The following PCSK5 variants were observed in gnomAD, a reference collection of about 807,000 sequenced individuals.
PCSK5 encodes prohormone convertase 5.
PCSK5 carries 129 observed loss-of-function variants against 233.2 expected under a neutral mutation model. That is an observed-to-expected ratio of 0.55 (90% CI 0.48 to 0.64). The LOEUF (loss-of-function observed/expected upper bound fraction) is 0.64, where lower values mean the gene tolerates loss of function less well. Ranked by LOEUF, PCSK5 falls within the 30% of genes least tolerant of loss-of-function variation. The pLI, the probability that PCSK5 is intolerant of heterozygous loss-of-function variation, is 0.00. For synonymous variants in PCSK5, 825 were observed against 879.2 expected (o/e 0.94, Z 1.09); for missense variants, 2,076 against 2,430.1 (o/e 0.85, Z 3.06).
At position 76,167,529 on chromosome 9, in the gene PCSK5, T is replaced by C. The variant is rs1587709099; in HGVS notation, c.1620-2175T>C. Among the ~76,000 whole-genome samples, 4 of 152,326 alleles carry C rather than the reference T, an allele frequency of 2.6e-5. 1 individual carries two copies. In the South Asian group the frequency reaches 8.3e-4, roughly 32 times the overall value. ...GTTTATTGCTTTTCTCTAGGGAATA[T>C]TGCAAAGTGTTAGCCATTTACCTAT... On this transcript the variant is annotated intron_variant, in intron 12 of 37. Transcript: ENST00000674117.
chr9:76,341,680 C>G (rs1249857547), intron 35 of PCSK5, among the ~76,000 whole-genome samples: 1 of 152,152 alleles, frequency 6.6e-6, no homozygotes, highest in Non-Finnish European at 1.5e-5. Flanking sequence ...GGTTTTGGTT[C>G]TTTACTCCCT....
chr9:76,013,433 A>T (rs753015233), intron 3 of PCSK5, among the ~76,000 whole-genome samples: 1 of 152,080 alleles, frequency 6.6e-6, no homozygotes, highest in Admixed American at 6.6e-5. Flanking sequence ...CATCTTATCT[A>T]TGGGAGTTTC....
At chr9:75,959,386 C>T (rs1338205312) in intron 2 of PCSK5, among the ~76,000 whole-genome samples, 1 of 152,082 alleles carries the variant, frequency 6.6e-6, no homozygotes, top group African/African-American at 2.4e-5. Flanking sequence ...GAGGTAGATA[C>T]CCTAGGAACC....
At chr9:76,101,826 A>G (rs764368919) in intron 8 of PCSK5, among the ~76,000 whole-genome samples, 4 of 152,138 alleles carry the variant, frequency 2.6e-5, no homozygotes, top group Middle Eastern at 6.8e-3. Context: ...GCAGCTCTAC[A>G]TTTTCTTTTG....
intron 5 of PCSK5, among the ~76,000 whole-genome samples, chr9:76,046,177 T>TTTTTTTTTTTTTG (rs1829377903): frequency 8.5e-6 from 1 of 118,242 alleles, no homozygotes; most frequent in Non-Finnish European, 1.7e-5. Context: ...TTTTTTTTTT[T>TTTTTTTTTTTTTG]TTTTTTTTTT....
intron 2 of PCSK5, among the ~76,000 whole-genome samples, chr9:75,959,975 G>A (rs909676427): frequency 6.6e-6 from 1 of 152,088 alleles, no homozygotes; most frequent in Admixed American, 6.5e-5. Flanking sequence ...TTCTATGTAG[G>A]GCAGAAGAAG....
chr9:76,097,509 G>T (rs1457104327), intron 8 of PCSK5, among the ~76,000 whole-genome samples: 1 of 152,184 alleles, frequency 6.6e-6, no homozygotes, highest in Non-Finnish European at 1.5e-5. Flanking sequence ...CACAGAAGCT[G>T]TATGGGATCT....
At chr9:76,054,891 A>G (rs1312797902) in intron 5 of PCSK5, among the ~76,000 whole-genome samples, 1 of 152,008 alleles carries the variant, frequency 6.6e-6, no homozygotes, top group Non-Finnish European at 1.5e-5. Context: ...CATAAGAAAT[A>G]TTTTCTTGTT....
intron 3 of PCSK5, among the ~76,000 whole-genome samples, chr9:76,007,700 C>G (rs2131444497): frequency 6.6e-6 from 1 of 151,784 alleles, no homozygotes; most frequent in East Asian, 1.9e-4. Flanking sequence ...GATTATGGCT[C>G]ACTGCAGCTT....
At chr9:76,252,288 T>C (rs1826837838) in intron 24 of PCSK5, among the ~76,000 whole-genome samples, 2 of 151,922 alleles carry the variant, frequency 1.3e-5, no homozygotes, top group Non-Finnish European at 2.9e-5. Context: ...ATAATAATAA[T>C]AATAATAAAA....
At chr9:76,233,661 T>A in intron 22 of PCSK5, 65 bp downstream of exon 22, 1 of 1,494,406 alleles carries the variant, frequency 6.7e-7, no homozygotes, top group Non-Finnish European at 9.2e-7. Context: ...TGGCCATCAT[T>A]TGGTTTGACC....
At chr9:75,893,243 G>A (rs1358366261) in intron 1 of PCSK5, among the ~76,000 whole-genome samples, 1 of 152,112 alleles carries the variant, frequency 6.6e-6, no homozygotes, top group Non-Finnish European at 1.5e-5. Flanking sequence ...AACCTTGTTT[G>A]GTGAATATTA....
Position 76,303,911 on chromosome 9 carries a change from C to T in PCSK5, c.3604+1694C>T, listed in dbSNP as rs144916370. 2.8e-3 allele frequency among the ~76,000 whole-genome samples: 431 copies of T among 152,282 alleles called. 3 individuals carry two copies. Among genetic ancestry groups the T allele is most frequent in the African/African-American group, 9.8e-3 (408 of 41,566 alleles). On this transcript the variant is annotated intron_variant, in intron 28 of 37. Coordinates refer to ENST00000674117, the MANE Select transcript of PCSK5 (RefSeq NM_001372043.1). Reference sequence around the variant, plus strand: ...AGGGGGCTGGCTGCAGTGGCTCACACCTGTAATCCCAGCGCTTTGGGAGAC... The same window carrying T: ...AGGGGGCTGGCTGCAGTGGCTCACATCTGTAATCCCAGCGCTTTGGGAGAC...
intron 5 of PCSK5, among the ~76,000 whole-genome samples, chr9:76,043,214 G>A (rs935616595): frequency 1.3e-4 from 20 of 151,798 alleles, no homozygotes; most frequent in African/African-American, 3.4e-4. Flanking sequence ...GCGTGGTGGC[G>A]GGCGCCTGTA....
At chr9:76,347,947 C>A (rs971763661) in intron 35 of PCSK5, among the ~76,000 whole-genome samples, 2 of 151,260 alleles carry the variant, frequency 1.3e-5, no homozygotes, top group African/African-American at 4.9e-5. Context: ...TATATGTATA[C>A]AATGTGGAAT....
intron 7 of PCSK5, among the ~76,000 whole-genome samples, chr9:76,089,785 AT>A (rs1831211051): frequency 6.6e-6 from 1 of 152,224 alleles, no homozygotes; most frequent in African/African-American, 2.4e-5. Context: ...TCATAGACTG[AT>A]GTTCTCAAAG....
In PCSK5 at chr9:76,227,576, G is replaced by A. The variant is rs2131310020; in HGVS notation, c.2700G>A (p.Gln900=). 6.2e-7 allele frequency: 1 copy of A among 1,611,548 alleles called. No homozygotes were observed. Among genetic ancestry groups the A allele is most frequent in the East Asian group, 2.2e-5 (1 of 44,784 alleles). Residue 900 remains glutamine (Q), a synonymous_variant, in exon 21 of 38, where the codon CAG becomes CAA. Transcript: ENST00000674117. ...ASCAKCQGPT[Q]EDCTTCPMTR... ...GTGCCAAGTGCCAGGGACCAACCCA[G>A]GAAGACTGCACTACCTGCCCCATGA...
chr9:76,287,299 T>C (rs996091681), intron 24 of PCSK5: 12 of 228,826 alleles, frequency 5.2e-5, no homozygotes, highest in Non-Finnish European at 1.1e-4. Context: ...CTTTAGGTAA[T>C]AGGGTATGGT....
intron 3 of PCSK5, among the ~76,000 whole-genome samples, chr9:75,995,187 T>G (rs1826958509): frequency 6.6e-6 from 1 of 152,176 alleles, no homozygotes; most frequent in Non-Finnish European, 1.5e-5. Context: ...ACACCTCTTT[T>G]TGTGTACTTA....
Sources: gnomAD v4.1 joint callset for allele counts (sites outside exome capture counted in the v4.1 genomes callset) on GRCh38, gnomAD v4.1.1 for gene constraint, MANE v1.5 for transcripts, NCBI Gene and HGNC (gene_info 2026-07-23, HGNC 2026-07-21) for gene names.